NRXN1: variants seen among roughly 807,000 people sequenced by gnomAD.
The protein encoded by NRXN1 is neurexin 1, also known as neurexin-1.
NRXN1 carries 39 observed loss-of-function variants against 150.9 expected under a neutral mutation model. The observed-to-expected ratio is 0.26, with a 90% CI of 0.20 to 0.34. The LOEUF is 0.34. NRXN1 is among the 10% of genes least tolerant of loss of function. The probability of loss-of-function intolerance (pLI) is 1.00; values close to 1 mark genes in which losing one functional copy is unlikely to be tolerated. For synonymous variants in NRXN1, 924 were observed against 757.0 expected (o/e 1.22, Z -3.62); for missense variants, 1,815 against 1,949.9 (o/e 0.93, Z 1.30).
rs201208170 is a variant in NRXN1, at chr2:50,347,279, A to G, written c.3365-110309T>C. The stretch of plus-strand genomic sequence containing the variant: ...TCCAGGTTCTCGAGAGATACTCCCA[A>G]AGAGTTTCGGGCGAGAGTGCGTGCC... On this transcript the variant is annotated intron_variant, in intron 17 of 22. Coordinates refer to ENST00000401669, the MANE Select transcript of NRXN1 (RefSeq NM_001330078.2). The surrounding 1 kb of genome is among the most constrained non-coding windows in gnomAD (Gnocchi z 4.9). 1 of 1,298,544 alleles carries G rather than the reference A, an allele frequency of 7.7e-7. No individual in the cohort carries two copies. The allele number at this position is 1,298,544 out of a possible 1,614,324, so 80.4% of individuals were successfully genotyped here.
intron 18 of NRXN1, among the ~76,000 whole-genome samples, chr2:50,125,161 A>T (rs182221150): frequency 6.6e-6 from 1 of 152,272 alleles, no homozygotes. Flanking sequence ...GAGCACAATA[A>T]CAGTAACTGT....
At position 50,510,828 on chromosome 2, in the gene NRXN1, C is replaced by T. The variant is rs374117293; in HGVS notation, c.2375-4211G>A. Among the ~76,000 whole-genome samples, 23 of 152,124 alleles carry T rather than the reference C, an allele frequency of 1.5e-4. No homozygotes were observed. In the South Asian group the frequency reaches 3.1e-3, roughly 21 times the overall value. On this transcript the variant is annotated intron_variant, in intron 12 of 22. Coordinates refer to ENST00000401669, the MANE Select transcript of NRXN1 (RefSeq NM_001330078.2). ...TCTGCAAGTAGTGTAAGAGGTACAACGGGACTGAATGCCCCCAGCTAATAT... is the reference window on the plus strand; with the variant it reads ...TCTGCAAGTAGTGTAAGAGGTACAATGGGACTGAATGCCCCCAGCTAATAT...
Position 50,794,724 on chromosome 2 carries a change from G to A in NRXN1, c.832+127145C>T, listed in dbSNP as rs191444473. 2.1e-3 allele frequency among the ~76,000 whole-genome samples: 316 copies of A among 152,144 alleles called. 5 individuals are homozygous for A. The highest frequency in any genetic ancestry group is 0.017 in the Admixed American group (259 of 15,268). On this transcript the variant is annotated intron_variant, in intron 5 of 22. Transcript: ENST00000401669. ...AGTATGCATATTTTTAAATAAATGC[G>A]AATGGAACACTGTCAAATAAGCAAT... is the stretch of plus-strand genomic sequence containing the variant.
intron 19 of NRXN1, among the ~76,000 whole-genome samples, chr2:50,089,135 C>A (rs1340406367): frequency 6.6e-6 from 1 of 152,112 alleles, no homozygotes; most frequent in Non-Finnish European, 1.5e-5. Flanking sequence ...CCCTTTCTCA[C>A]CATAAGTAGT....
intron 21 of NRXN1, among the ~76,000 whole-genome samples, chr2:50,029,279 A>G (rs1688833980): frequency 6.6e-6 from 1 of 152,142 alleles, no homozygotes; most frequent in South Asian, 2.1e-4. Context: ...GTGAGAAATA[A>G]ATGTATGTTG....
intron 2 of NRXN1, among the ~76,000 whole-genome samples, chr2:51,001,227 A>AGGG (rs1700010926): frequency 5.6e-5 from 1 of 17,982 alleles, no homozygotes; most frequent in Non-Finnish European, 8.8e-5. Flanking sequence ...TGGTAGATTC[A>AGGG]TGGGGTTGGG....
rs189242327 is a variant in NRXN1 at position 50,788,119 on chromosome 2, C to T, written c.832+133750G>A. ...CCACCTTTTTTTTTTTTGAGACTTGCTCTGTCGCCCAGGCTGGAGTGTAGT... is the reference window on the plus strand; with the variant it reads ...CCACCTTTTTTTTTTTTGAGACTTGTTCTGTCGCCCAGGCTGGAGTGTAGT... On this transcript the variant is annotated intron_variant, in intron 5 of 22. Transcript: ENST00000401669. 5.3e-5 allele frequency among the ~76,000 whole-genome samples: 8 copies of T among 150,660 alleles called. No individual in the cohort carries two copies. In the East Asian group the frequency reaches 1.2e-3, roughly 22 times the overall value.
chr2:50,754,385 G>A (rs887868396), intron 5 of NRXN1, among the ~76,000 whole-genome samples: 1 of 151,926 alleles, frequency 6.6e-6, no homozygotes, highest in Non-Finnish European at 1.5e-5. Flanking sequence ...CTAAGGCAAA[G>A]TGAGATGCAG....
At chr2:50,053,212 AAGCCCACTATC>A (rs1397373783) in intron 21 of NRXN1, 48 bp downstream of exon 21, 2 of 1,563,872 alleles carry the variant, frequency 1.3e-6, no homozygotes, top group African/African-American at 2.7e-5. Flanking sequence ...ATATGCAGAA[AAGCCCACTATC>A]ATAAATAATA....
At chr2:50,293,781 T>G (rs114159234) in intron 17 of NRXN1, among the ~76,000 whole-genome samples, 1 of 152,130 alleles carries the variant, frequency 6.6e-6, no homozygotes, top group Non-Finnish European at 1.5e-5. Flanking sequence ...GGGGAGATAG[T>G]AAACTTGCGA....
Position 50,499,387 on chromosome 2 carries a change from T to C in NRXN1, c.2498-1673A>G, listed in dbSNP as rs189756272. On this transcript the variant is annotated intron_variant, in intron 13 of 22. Transcript: ENST00000401669. ...AAAAATGTCACCATAAATAATTGTTTCGTCTCTCTCTACCCTCACTACCAT... is the reference window on the plus strand; with the variant it reads ...AAAAATGTCACCATAAATAATTGTTCCGTCTCTCTCTACCCTCACTACCAT... 2.4e-3 allele frequency among the ~76,000 whole-genome samples: 366 copies of C among 152,280 alleles called. 1 individual carries two copies. The highest frequency in any genetic ancestry group is 8.4e-3 in the African/African-American group (351 of 41,564).
At chr2:50,522,718 TCA>T (rs2092821507) in intron 12 of NRXN1, among the ~76,000 whole-genome samples, 1 of 104,184 alleles carries the variant, frequency 9.6e-6, no homozygotes, top group Non-Finnish European at 1.9e-5. Flanking sequence ...TTATTTTTAT[TCA>T]TTTTTTTTTT....
At chr2:50,523,479 C>T (rs756631453) in intron 12 of NRXN1, among the ~76,000 whole-genome samples, 3 of 152,162 alleles carry the variant, frequency 2.0e-5, no homozygotes, top group Non-Finnish European at 4.4e-5. Context: ...CAAGCTCCAG[C>T]CCCTAGAAAT....
chr2:51,013,188 T>A (rs986881924), intron 2 of NRXN1, among the ~76,000 whole-genome samples: 3 of 151,924 alleles, frequency 2.0e-5, no homozygotes, highest in African/African-American at 7.2e-5. Flanking sequence ...TAACTCGAGC[T>A]CAACCAGCTC....
At chr2:50,452,485 G>A (rs144583905) in intron 17 of NRXN1, among the ~76,000 whole-genome samples, 5 of 152,080 alleles carry the variant, frequency 3.3e-5, no homozygotes, top group Non-Finnish European at 5.9e-5. Context: ...ACTTGCTCAA[G>A]GCCACATACT....
chr2:50,450,430 G>A (rs1201969404), intron 17 of NRXN1, among the ~76,000 whole-genome samples: 14 of 108,206 alleles, frequency 1.3e-4, no homozygotes, highest in African/African-American at 6.9e-4. Context: ...AGGTCATGGA[G>A]CAAAACAGAA....
At chr2:50,507,412 T>C (rs1407042135) in intron 12 of NRXN1, among the ~76,000 whole-genome samples, 1 of 151,654 alleles carries the variant, frequency 6.6e-6, no homozygotes, top group Non-Finnish European at 1.5e-5. Context: ...AAGGGCCAAC[T>C]GTTGAGCATG....
At chr2:50,618,461 T>C (rs1466154139) in intron 8 of NRXN1, among the ~76,000 whole-genome samples, 1 of 152,102 alleles carries the variant, frequency 6.6e-6, no homozygotes, top group African/African-American at 2.4e-5. Context: ...AACATTGTTT[T>C]AGTTTGTAAC....
chr2:50,571,395 G>C (rs552483991), intron 8 of NRXN1, among the ~76,000 whole-genome samples: 1 of 152,118 alleles, frequency 6.6e-6, no homozygotes, highest in African/African-American at 2.4e-5. Context: ...GACACAATGA[G>C]GATGAAAAGT....
Sources: gnomAD v4.1 joint callset for allele counts (sites outside exome capture counted in the v4.1 genomes callset) on GRCh38, gnomAD v4.1.1 for gene constraint, Gnocchi (gnomAD v3.1) non-coding constraint, MANE v1.5 for transcripts, NCBI Gene and HGNC (gene_info 2026-07-23, HGNC 2026-07-21) for gene names.